SYNM: variants seen among roughly 807,000 people sequenced by gnomAD.
SYNM encodes synemin.
In SYNM, 95 loss-of-function variants were observed where a neutral mutation model predicts 104.0. The ratio of observed to expected loss-of-function variants is 0.91; its 90% CI spans 0.77 to 1.08. The LOEUF is 1.08. Ranked by LOEUF, SYNM falls within the 50% of genes least tolerant of loss-of-function variation. SYNM has a pLI of 0.00. For synonymous variants in SYNM, 918 were observed against 869.0 expected (o/e 1.06, Z -0.99); for missense variants, 2,150 against 2,052.2 (o/e 1.05, Z -0.92).
In SYNM at chr15:99,105,268, T is replaced by C; in HGVS notation, c.69T>C (p.Tyr23=). The change falls in exon 1 of 4, where the codon TAT becomes TAC. Residue 23 remains tyrosine, a synonymous_variant. Coordinates refer to ENST00000336292, the MANE Select transcript of SYNM (RefSeq NM_145728.3). ...AELQELNARL[Y]DYVCRVRELE... Reference sequence around the variant, plus strand: ...TCCAGGAGCTCAACGCCCGGCTCTATGACTACGTGTGTCGGGTGCGGGAGC... The same window carrying C: ...TCCAGGAGCTCAACGCCCGGCTCTACGACTACGTGTGTCGGGTGCGGGAGC... 2.6e-6 allele frequency: 4 copies of C among 1,562,196 alleles called. No individual in the cohort carries two copies. Among genetic ancestry groups the C allele is most frequent in the Non-Finnish European group, 1.7e-6 (2 of 1,154,096 alleles).
intron 1 of SYNM, among the ~76,000 whole-genome samples, chr15:99,109,994 G>T (rs1234645737): frequency 6.6e-6 from 1 of 152,198 alleles, no homozygotes; most frequent in Non-Finnish European, 1.5e-5. Context: ...TTTAAAAATA[G>T]ACTGAGTGGA....
intron 1 of SYNM, among the ~76,000 whole-genome samples, chr15:99,111,545 T>C (rs560903013): frequency 6.6e-6 from 1 of 152,366 alleles, no homozygotes; most frequent in South Asian, 2.1e-4. Flanking sequence ...CTGTTTGTAA[T>C]GCCAGCTGTG....
chr15:99,105,695 T>TTCCGCGCCCGCGCCACCGGCCCC lies in SYNM; in HGVS notation c.497_519dup (p.Ala174SerfsTer107), dbSNP rs1555482549. On this transcript the variant is annotated frameshift_variant, in exon 1 of 4. Coordinates refer to ENST00000336292, the MANE Select transcript of SYNM (RefSeq NM_145728.3). LOFTEE classifies it high-confidence loss of function. ...GCGCGCCGCCAGCCTTACCATGCAT[T>TTCCGCGCCCGCGCCACCGGCCCC]TCCGCGCCCGCGCCACCGGCCCCGC... 38 of 1,482,424 alleles carry TTCCGCGCCCGCGCCACCGGCCCC rather than the reference T, an allele frequency of 2.6e-5. No individual in the cohort carries two copies. The highest frequency in any genetic ancestry group is 3.0e-5 in the Non-Finnish European group (34 of 1,122,462). 91.8% of individuals were successfully genotyped at this position (1,482,424 alleles called of 1,614,324 possible).
In SYNM at chr15:99,133,046, G is replaced by A; in HGVS notation, c.4686G>A (p.Gly1562=). Residue 1562 remains glycine, a synonymous_variant, in exon 4 of 4, where the codon GGG becomes GGA. Coordinates refer to ENST00000336292, the MANE Select transcript of SYNM (RefSeq NM_145728.3). ...YLDNEEEEND[G]HWF ...ACAATGAGGAGGAGGAGAATGATGG[G>A]CATTGGTTTTAATAAGCAGAAACAT... is the stretch of plus-strand genomic sequence containing the variant. 1.2e-6 allele frequency: 2 copies of A among 1,613,470 alleles called. No homozygotes were observed. The highest frequency in any genetic ancestry group is 2.7e-5 in the African/African-American group (2 of 75,038).
At chr15:99,129,147 GC>G (rs2067473792) in intron 3 of SYNM, 2 of 597,580 alleles carry the variant, frequency 3.3e-6, no homozygotes, top group Admixed American at 3.2e-5. Context: ...AACGTGTTAG[GC>G]TGAAGTATTT....
intron 2 of SYNM, among the ~76,000 whole-genome samples, chr15:99,120,091 C>A (rs782589378): frequency 2.6e-5 from 4 of 152,196 alleles, no homozygotes; most frequent in African/African-American, 7.2e-5. Flanking sequence ...ATGACACCCA[C>A]GTTCAAGGAG....
At chr15:99,138,180 C>A, downstream of SYNM, 1 of 1,598,792 alleles carries the variant, frequency 6.3e-7, no homozygotes, top group South Asian at 1.1e-5. Flanking sequence ...CCCCCCACAC[C>A]GTTCCCATCC....
At chr15:99,140,826 A>G in the SYNM span, 1 of 152,378 alleles carries the variant, frequency 6.6e-6, no homozygotes, top group East Asian at 1.9e-4. Flanking sequence ...CGCTGAGGAA[A>G]GATTCTTGCA....
At position 99,126,808 on chromosome 15, in the gene SYNM, T is replaced by C. The variant is rs550470740; in HGVS notation, c.1006+16T>C. On this transcript the variant is annotated intron_variant, in intron 3 of 3. Transcript: ENST00000336292. ...ATGCCGTCAGGTAAGTAAAAGCTAATGACTTGACTTAGCTTTAGGCATCTG... is the reference window on the plus strand; with the variant it reads ...ATGCCGTCAGGTAAGTAAAAGCTAACGACTTGACTTAGCTTTAGGCATCTG... 71 of 1,556,316 alleles carry C rather than the reference T, an allele frequency of 4.6e-5. No homozygotes were observed. Among genetic ancestry groups the C allele is most frequent in the Middle Eastern group, 1.7e-4 (1 of 5,990 alleles).
rs1567277138 is a variant in SYNM, at chr15:99,116,628, C to CGTG, written c.935+2913_935+2914insGTG. 4.2e-5 allele frequency among the ~76,000 whole-genome samples: 6 copies of CGTG among 143,402 alleles called. No homozygotes were observed. The East Asian group carries it at 1.4e-3, about 32-fold the overall frequency. 94.1% of individuals were successfully genotyped at this position (143,402 alleles called of 152,430 possible). ...AGGTGAAAGGGCAGCAGGCATGTCA[C>CGTG]ATGGCAAGAGAGCGAGCAAGAGAGT... On this transcript the variant is annotated intron_variant, in intron 2 of 3. Transcript: ENST00000336292.
In SYNM at chr15:99,131,916, G is replaced by A; in HGVS notation, c.3556G>A (p.Glu1186Lys). The change falls in exon 4 of 4, where the codon GAA (glutamate) becomes AAA (lysine). Residue 1186 changes from glutamate (E) to lysine (K), a missense_variant. By Grantham distance (56) the Glu-to-Lys change is moderately conservative (BLOSUM62 1). Coordinates refer to ENST00000336292, the MANE Select transcript of SYNM (RefSeq NM_145728.3). This position sits in a 1 kb window ranked among gnomAD's most constrained non-coding sequence, Gnocchi z 4.3. Reference protein sequence around the residue: ...LGPGQSPLSREVIFLGPAPAC... With the variant: ...LGPGQSPLSRKVIFLGPAPAC... ...TCCCGGTCAAAGTCCACTGTCCAGA[G>A]AAGTCATCTTCCTAGGCCCTGCCCC... 6.2e-7 allele frequency: 1 copy of A among 1,613,932 alleles called. No individual in the cohort carries two copies. Among genetic ancestry groups the A allele is most frequent in the Non-Finnish European group, 8.5e-7 (1 of 1,179,866 alleles).
Position 99,105,350 on chromosome 15 carries a change from G to T in SYNM, c.151G>T (p.Gly51Cys). ...EELRGRRGREGLWAEGQARCA... is the reference protein window; with the variant it reads ...EELRGRRGRECLWAEGQARCA... Reference sequence around the variant, plus strand: ...GCTGCGCGGCCGGCGCGGGCGAGAGGGCCTGTGGGCCGAGGGGCAGGCCCG... The same window carrying T: ...GCTGCGCGGCCGGCGCGGGCGAGAGTGCCTGTGGGCCGAGGGGCAGGCCCG... The change falls in exon 1 of 4, where the codon GGC becomes TGC. Residue 51 changes from glycine (G) to cysteine (C), a missense_variant. Coordinates refer to ENST00000336292, the MANE Select transcript of SYNM (RefSeq NM_145728.3). 3 of 1,536,084 alleles carry T rather than the reference G, an allele frequency of 2.0e-6. No homozygotes were observed. The highest frequency in any genetic ancestry group is 1.7e-6 in the Non-Finnish European group (2 of 1,144,566).
At chr15:99,111,745 T>TA (rs35598820) in intron 1 of SYNM, among the ~76,000 whole-genome samples, 27,329 of 152,206 alleles carry the variant, frequency 0.18, 3,292 homozygotes, top group East Asian at 0.44. Flanking sequence ...TCATGCATTT[T>TA]AAAAAATGAT....
At chr15:99,120,310 G>C (rs892184204) in intron 2 of SYNM, among the ~76,000 whole-genome samples, 2 of 152,174 alleles carry the variant, frequency 1.3e-5, no homozygotes, top group African/African-American at 4.8e-5. Flanking sequence ...GAGGGAGGCT[G>C]ATGAGGCACG....
Position 99,130,446 on chromosome 15 carries a change from G to A in SYNM, c.2086G>A (p.Val696Ile), listed in dbSNP as rs782354734. 1.2e-6 allele frequency: 2 copies of A among 1,613,912 alleles called. No individual in the cohort carries two copies. Among genetic ancestry groups the A allele is most frequent in the South Asian group, 1.1e-5 (1 of 91,076 alleles). The stretch of plus-strand genomic sequence containing the variant: ...TGTGGAGTCTAAACTGACTGAGGAT[G>A]TTGATGTTTCCGATGAAGCTGGCCT... ...IVVESKLTED[V>I]DVSDEAGLDY... The change falls in exon 4 of 4, where the codon GTT becomes ATT. Residue 696 changes from valine to isoleucine, a missense_variant. Val to Ile is a conservative substitution (Grantham distance 29). Transcript: ENST00000336292.
downstream of SYNM, chr15:99,139,398 C>T: frequency 5.6e-6 from 9 of 1,614,140 alleles, no homozygotes; most frequent in Middle Eastern, 4.9e-4. Context: ...GATCTGGAGA[C>T]ACTGTAGAAC....
chr15:99,132,371 T>C lies in SYNM; in HGVS notation c.4011T>C (p.Gly1337=). 1 of 1,613,894 alleles carries C rather than the reference T, an allele frequency of 6.2e-7. No homozygotes were observed. The highest frequency in any genetic ancestry group is 8.5e-7 in the Non-Finnish European group (1 of 1,179,828). Residue 1337 remains glycine, a synonymous_variant, in exon 4 of 4, where the codon GGT becomes GGC. Coordinates refer to ENST00000336292, the MANE Select transcript of SYNM (RefSeq NM_145728.3). ...TGGTTCCCCAACTGGGGGAATCTGGTGACTCAGAGAGCACTGTGCACGGAG... is the reference window on the plus strand; with the variant it reads ...TGGTTCCCCAACTGGGGGAATCTGGCGACTCAGAGAGCACTGTGCACGGAG... The part of the protein sequence containing the change: ...HGLVPQLGES[G]DSESTVHGEG...
At chr15:99,137,876 A>G, downstream of SYNM, 1 of 1,409,066 alleles carries the variant, frequency 7.1e-7, no homozygotes, top group South Asian at 1.4e-5. Flanking sequence ...TCACTGTTGC[A>G]TGTTGGGGCC....
At chr15:99,123,028 C>T (rs548488809) in intron 2 of SYNM, among the ~76,000 whole-genome samples, 3 of 152,208 alleles carry the variant, frequency 2.0e-5, no homozygotes, top group African/African-American at 7.2e-5. Context: ...GTGGGGACGA[C>T]GTGATCGCTG....
Sources: allele counts gnomAD v4.1 joint callset (sites outside exome capture counted in the v4.1 genomes callset), GRCh38; gene constraint gnomAD v4.1.1; non-coding constraint Gnocchi (gnomAD v3.1); transcripts MANE v1.5; gene names NCBI Gene and HGNC (gene_info 2026-07-23, HGNC 2026-07-21).